The following PARD3B variants were observed in gnomAD, a reference collection of about 807,000 sequenced individuals.
PARD3B encodes the protein partitioning defective 3 homolog B.
PARD3B carries 103 observed loss-of-function variants against 130.2 expected under a neutral mutation model. That is an observed-to-expected ratio of 0.79 (90% CI 0.67 to 0.93). PARD3B has a LOEUF of 0.93. Among genes scored for constraint, PARD3B ranks in the 40% least tolerant of loss-of-function variants. PARD3B has a pLI of 0.00. For missense variants in PARD3B, 1,609 were observed against 1,499.2 expected, an observed-to-expected ratio of 1.07 and a Z score of -1.21; for synonymous variants, 583 against 553.2, an observed-to-expected ratio of 1.05 and a Z score of -0.76.
At chr2:204,849,874 A>C (rs192740848) in intron 2 of PARD3B, among the ~76,000 whole-genome samples, 1 of 152,322 alleles carries the variant, frequency 6.6e-6, no homozygotes, top group Admixed American at 6.5e-5. Flanking sequence ...TAGAAGGATA[A>C]GTAAATTGTC....
intron 2 of PARD3B, among the ~76,000 whole-genome samples, chr2:204,821,387 C>A (rs1271332658): frequency 1.3e-5 from 2 of 152,114 alleles, no homozygotes; most frequent in Non-Finnish European, 2.9e-5. Context: ...ATGATGAGTT[C>A]ATGTCCTTTG....
chr2:205,576,775 C>G (rs2053774627), intron 22 of PARD3B, among the ~76,000 whole-genome samples: 2 of 152,148 alleles, frequency 1.3e-5, no homozygotes, highest in Non-Finnish European at 2.9e-5. Context: ...GTTTACTCTT[C>G]TTGGTCTTTT....
rs985546340 is a variant in PARD3B at position 205,146,293 on chromosome 2, C to T, written c.1435-12429C>T. Among the ~76,000 whole-genome samples, 4 of 152,154 alleles carry T rather than the reference C, an allele frequency of 2.6e-5. No individual in the cohort carries two copies. Among genetic ancestry groups the T allele is most frequent in the Admixed American group, 2.6e-4 (4 of 15,280 alleles). ...TATTGGAAGTATCTTCCTAAGGGCC[C>T]AGCTTCCCAAATGGGCTACTTCTCA... On this transcript the variant is annotated intron_variant, in intron 10 of 22. Coordinates refer to ENST00000406610, the MANE Select transcript of PARD3B (RefSeq NM_001302769.2). This position sits in a 1 kb window ranked among gnomAD's most constrained non-coding sequence, Gnocchi z 4.3.
intron 2 of PARD3B, among the ~76,000 whole-genome samples, chr2:204,848,671 CTGTG>C (rs1237000851): frequency 5.9e-5 from 9 of 151,460 alleles, no homozygotes; most frequent in East Asian, 1.9e-4. Context: ...ATCTGTCTGT[CTGTG>C]TATCTATCTA....
chr2:205,125,578 T>G lies in PARD3B; in HGVS notation c.1306-31T>G. On this transcript the variant is annotated intron_variant, in intron 9 of 22. Coordinates refer to ENST00000406610, the MANE Select transcript of PARD3B (RefSeq NM_001302769.2). This position sits in a 1 kb window ranked among gnomAD's most constrained non-coding sequence, Gnocchi z 4.0. ...TAGAAGGAGATAACAAGTATTGTGA[T>G]TGTGGCTGTTCATATGCTTTTATTC... 1 of 1,609,636 alleles carries G rather than the reference T, an allele frequency of 6.2e-7. No homozygotes were observed. The highest frequency in any genetic ancestry group is 8.5e-7 in the Non-Finnish European group (1 of 1,177,256).
In PARD3B at chr2:204,677,907, A is replaced by G. The variant is rs138862517; in HGVS notation, c.121-8274A>G. On this transcript the variant is annotated intron_variant, in intron 1 of 22. Coordinates refer to ENST00000406610, the MANE Select transcript of PARD3B (RefSeq NM_001302769.2). This position sits in a 1 kb window ranked among gnomAD's most constrained non-coding sequence, Gnocchi z 4.1. ...TTCTGAGGAAACTAGACTTACTCTG[A>G]ACAGCTTTTTGGTGGTCTTCATTTG... Among the ~76,000 whole-genome samples, 751 of 152,328 alleles carry G rather than the reference A, an allele frequency of 4.9e-3. 6 individuals carry two copies. The highest frequency in any genetic ancestry group is 0.018 in the African/African-American group (730 of 41,574).
At chr2:204,947,375 C>G (rs1438368532) in intron 2 of PARD3B, among the ~76,000 whole-genome samples, 1 of 151,744 alleles carries the variant, frequency 6.6e-6, no homozygotes, top group Admixed American at 6.6e-5. Flanking sequence ...TCTACATATT[C>G]TAGTTAAACA....
chr2:205,324,245 T>A (rs923585587), intron 18 of PARD3B, among the ~76,000 whole-genome samples: 3 of 152,224 alleles, frequency 2.0e-5, no homozygotes, highest in Admixed American at 6.5e-5. Flanking sequence ...ATTACTTTTT[T>A]AAATTTATAC....
chr2:204,748,846 T>C (rs2040349868), intron 2 of PARD3B, among the ~76,000 whole-genome samples: 1 of 152,182 alleles, frequency 6.6e-6, no homozygotes, highest in Non-Finnish European at 1.5e-5. Flanking sequence ...TCCTAGATTA[T>C]TTTAATGTCT....
chr2:204,737,489 C>T (rs907127819), intron 2 of PARD3B, among the ~76,000 whole-genome samples: 1 of 152,142 alleles, frequency 6.6e-6, no homozygotes, highest in Non-Finnish European at 1.5e-5. Flanking sequence ...AGTCCTTAGT[C>T]AGATGTGAAC....
intron 16 of PARD3B, among the ~76,000 whole-genome samples, chr2:205,279,852 T>C (rs984917999): frequency 2.0e-5 from 3 of 152,170 alleles, no homozygotes; most frequent in Non-Finnish European, 4.4e-5. Flanking sequence ...TTCTCCAGTG[T>C]TTCTAACCAT....
chr2:204,746,046 A>T (rs2040211976), intron 2 of PARD3B, among the ~76,000 whole-genome samples: 1 of 150,480 alleles, frequency 6.6e-6, no homozygotes, highest in Non-Finnish European at 1.5e-5. Context: ...TTTGTTACAT[A>T]TGTATACATG....
At chr2:204,748,261 A>G (rs1425948299) in intron 2 of PARD3B, among the ~76,000 whole-genome samples, 2 of 152,102 alleles carry the variant, frequency 1.3e-5, no homozygotes, top group African/African-American at 4.8e-5. Context: ...AAATGTCACC[A>G]GTTCATACAC....
intron 2 of PARD3B, among the ~76,000 whole-genome samples, chr2:204,930,858 G>A (rs1392161114): frequency 6.6e-6 from 1 of 151,988 alleles, no homozygotes; most frequent in Non-Finnish European, 1.5e-5. Flanking sequence ...CTTGTCTTAC[G>A]TCTGGTTTCC....
At chr2:205,178,516 C>T (rs1260125317) in intron 13 of PARD3B, among the ~76,000 whole-genome samples, 1 of 152,110 alleles carries the variant, frequency 6.6e-6, no homozygotes, top group Non-Finnish European at 1.5e-5. Context: ...TCTTAAATTG[C>T]AGTAGCAAAA....
At chr2:204,576,687 T>C (rs538618436) in intron 1 of PARD3B, among the ~76,000 whole-genome samples, 2 of 152,202 alleles carry the variant, frequency 1.3e-5, no homozygotes, top group Non-Finnish European at 2.9e-5. Context: ...GTGAGACTTT[T>C]CCACAATAAA....
At chr2:204,654,701 C>A (rs537414497) in intron 1 of PARD3B, among the ~76,000 whole-genome samples, 1 of 152,198 alleles carries the variant, frequency 6.6e-6, no homozygotes, top group Admixed American at 6.5e-5. Flanking sequence ...AGTGTTTTAC[C>A]AGGAACTGGA....
chr2:204,624,628 T>C (rs779137325), intron 1 of PARD3B, among the ~76,000 whole-genome samples: 12 of 152,196 alleles, frequency 7.9e-5, no homozygotes, highest in Non-Finnish European at 1.6e-4. Context: ...ACCATTCACC[T>C]ATCGTGGACA....
At chr2:205,039,530 C>T (rs764942663) in intron 3 of PARD3B, among the ~76,000 whole-genome samples, 73 of 152,082 alleles carry the variant, frequency 4.8e-4, no homozygotes, top group Admixed American at 6.6e-4. Flanking sequence ...AGTGCAGTGG[C>T]GTGATCTCAG....
Sources: allele counts gnomAD v4.1 joint callset (sites outside exome capture counted in the v4.1 genomes callset), GRCh38; gene constraint gnomAD v4.1.1; non-coding constraint Gnocchi (gnomAD v3.1); transcripts MANE v1.5; gene names NCBI Gene and HGNC (gene_info 2026-07-23, HGNC 2026-07-21).